The following PRR23E variants were observed in gnomAD, a reference collection of about 807,000 sequenced individuals.
The protein encoded by PRR23E is proline-rich protein 23E.
chr3:127,197,145 C>A, the PRR23E span: 5 of 1,594,788 alleles, frequency 3.1e-6, no homozygotes, highest in African/African-American at 1.3e-5. Context: ...CAGCCACTGT[C>A]CCCAGGTGGG....
chr3:127,193,381 A>G, the PRR23E span: 1 of 152,200 alleles, frequency 6.6e-6, no homozygotes, highest in Non-Finnish European at 1.5e-5. Context: ...TCTCCCACCC[A>G]ACTCCTGGCA....
chr3:127,197,223 T>C, the PRR23E span: 2 of 1,598,512 alleles, frequency 1.3e-6, no homozygotes, highest in Admixed American at 3.3e-5. Context: ...AGCTCCCTAC[T>C]TGAAGACATG....
At chr3:127,196,198 G>A in the PRR23E span, among the ~76,000 whole-genome samples, 1 of 152,166 alleles carries the variant, frequency 6.6e-6, no homozygotes, top group Non-Finnish European at 1.5e-5. Flanking sequence ...GCACTGGGGT[G>A]GCCCCTGTGG....
the PRR23E span, among the ~76,000 whole-genome samples, chr3:127,194,084 G>A: frequency 6.6e-6 from 1 of 152,158 alleles, no homozygotes; most frequent in Non-Finnish European, 1.5e-5. Flanking sequence ...TGATAATTTT[G>A]TGGCATTTTT....
At chr3:127,196,626 C>A in the PRR23E span, 1 of 1,496,926 alleles carries the variant, frequency 6.7e-7, no homozygotes. Context: ...GTGGCCTCAG[C>A]TTGCAGAGGA....
At chr3:127,196,641 A>G in the PRR23E span, 1 of 1,526,756 alleles carries the variant, frequency 6.5e-7, no homozygotes, top group Non-Finnish European at 8.8e-7. Flanking sequence ...AGAGGAGTGC[A>G]CTTGCCAGAC....
the PRR23E span, chr3:127,197,411 C>T: frequency 6.5e-7 from 1 of 1,543,136 alleles, no homozygotes; most frequent in Non-Finnish European, 8.7e-7. Context: ...TCTTTGAGTG[C>T]TAATCAGCCC....
chr3:127,197,055 GC>G, the PRR23E span: 1 of 1,594,322 alleles, frequency 6.3e-7, no homozygotes, highest in Non-Finnish European at 8.5e-7. Flanking sequence ...GGCTGCCTTG[GC>G]CCCCAACCTA....
At chr3:127,197,397 C>G in the PRR23E span, 2 of 1,557,172 alleles carry the variant, frequency 1.3e-6, no homozygotes, top group East Asian at 4.5e-5. Flanking sequence ...GGCCCGCCGC[C>G]GCCTCTTTGA....
At chr3:127,196,608 A>G in the PRR23E span, 1 of 1,467,674 alleles carries the variant, frequency 6.8e-7, no homozygotes, top group Non-Finnish European at 9.0e-7. Flanking sequence ...GAGCCCCGTG[A>G]GGTGCGTGTG....
chr3:127,193,968 C>A, the PRR23E span, among the ~76,000 whole-genome samples: 1 of 152,184 alleles, frequency 6.6e-6, no homozygotes. Flanking sequence ...ATTTACCTGC[C>A]GTGGACTAGC....
the PRR23E span, chr3:127,196,934 T>C: frequency 6.3e-7 from 1 of 1,599,480 alleles, no homozygotes; most frequent in Middle Eastern, 1.7e-4. Flanking sequence ...GGGTGCTCTA[T>C]GGTGGGTATC....
At chr3:127,197,406 G>C in the PRR23E span, 3 of 1,554,076 alleles carry the variant, frequency 1.9e-6, no homozygotes, top group Non-Finnish European at 2.6e-6. Flanking sequence ...CCGCCTCTTT[G>C]AGTGCTAATC....
the PRR23E span, among the ~76,000 whole-genome samples, chr3:127,196,247 G>T: frequency 6.6e-6 from 1 of 152,136 alleles, no homozygotes; most frequent in Admixed American, 6.5e-5. Flanking sequence ...TCAGCTTAGG[G>T]GCTTTGCTGA....
At chr3:127,197,140 A>C in the PRR23E span, 1 of 1,595,882 alleles carries the variant, frequency 6.3e-7, no homozygotes, top group Non-Finnish European at 8.5e-7. Flanking sequence ...ACCTCCAGCC[A>C]CTGTCCCCAG....
the PRR23E span, chr3:127,197,031 G>A: frequency 1.3e-6 from 2 of 1,596,148 alleles, no homozygotes; most frequent in South Asian, 2.2e-5. Flanking sequence ...CCCCCTCATA[G>A]GAAGTCCGTA....
the PRR23E span, among the ~76,000 whole-genome samples, chr3:127,195,164 A>C: frequency 6.6e-6 from 1 of 152,032 alleles, no homozygotes; most frequent in South Asian, 2.1e-4. Flanking sequence ...CACCAGACCC[A>C]CTCAGCCCAC....
At chr3:127,195,471 T>C in the PRR23E span, among the ~76,000 whole-genome samples, 1 of 152,148 alleles carries the variant, frequency 6.6e-6, no homozygotes, top group Admixed American at 6.5e-5. Flanking sequence ...AGTCCCTCCC[T>C]GCCCTCACTT....
the PRR23E span, among the ~76,000 whole-genome samples, chr3:127,196,232 A>C: frequency 1.3e-5 from 2 of 152,056 alleles, no homozygotes; most frequent in African/African-American, 4.8e-5. Context: ...CTGTTCCTTC[A>C]TCTGTCAGCT....
Sources: allele counts gnomAD v4.1 joint callset (sites outside exome capture counted in the v4.1 genomes callset), GRCh38; gene constraint gnomAD v4.1.1; transcripts MANE v1.5; gene names NCBI Gene and HGNC (gene_info 2026-07-23, HGNC 2026-07-21).